Variants in IFRD1 observed in about 807,000 individuals in gnomAD.
IFRD1 encodes the protein interferon related developmental regulator 1.
Under a neutral mutation model 52.9 loss-of-function variants are expected in IFRD1, and 35 were observed. The ratio of observed to expected loss-of-function variants is 0.66; its 90% CI spans 0.51 to 0.88. The LOEUF is 0.88. Ranked by LOEUF, IFRD1 falls within the 40% of genes least tolerant of loss-of-function variation. The pLI, the probability that IFRD1 is intolerant of heterozygous loss-of-function variation, is 0.00. For missense variants in IFRD1, 517 were observed against 550.8 expected (o/e 0.94, Z 0.61); for synonymous variants, 184 against 188.4 (o/e 0.98, Z 0.19).
intron 1 of IFRD1, among the ~76,000 whole-genome samples, chr7:112,432,357 A>G (rs1339692998): frequency 1.3e-5 from 2 of 152,354 alleles, no homozygotes; most frequent in Non-Finnish European, 2.9e-5. Context: ...AGTGAACACC[A>G]CAGACAAGAT....
At chr7:112,439,412 G>T (rs1179461250) in intron 1 of IFRD1, among the ~76,000 whole-genome samples, 2 of 152,334 alleles carry the variant, frequency 1.3e-5, no homozygotes, top group South Asian at 4.1e-4. Flanking sequence ...ATTGTTAGAT[G>T]TAACAGTATC....
chr7:112,463,853 TACAC>T (rs72284919), intron 8 of IFRD1, among the ~76,000 whole-genome samples: 1,943 of 43,318 alleles, frequency 0.045, 16 homozygotes, highest in Middle Eastern at 0.059. Context: ...CACATTTATA[TACAC>T]ACACACACAC....
intron 11 of IFRD1, among the ~76,000 whole-genome samples, chr7:112,474,347 C>T (rs367773642): frequency 6.6e-6 from 1 of 152,166 alleles, no homozygotes; most frequent in African/African-American, 2.4e-5. Context: ...ATAGCTGCTG[C>T]ACCAGTTTAC....
chr7:112,462,473 C>A (rs1200026287), intron 8 of IFRD1, 95 bp downstream of exon 8: 3 of 841,652 alleles, frequency 3.6e-6, no homozygotes, highest in South Asian at 1.4e-5. Context: ...AACTTTGGAA[C>A]ATGGCCAGCT....
intron 1 of IFRD1, among the ~76,000 whole-genome samples, chr7:112,438,939 A>G (rs1794786829): frequency 6.6e-6 from 1 of 152,174 alleles, no homozygotes; most frequent in African/African-American, 2.4e-5. Flanking sequence ...CTCCCGTTGA[A>G]AGATGTTTCG....
intron 1 of IFRD1, among the ~76,000 whole-genome samples, chr7:112,443,689 T>C (rs1794950341): frequency 6.6e-6 from 1 of 151,890 alleles, no homozygotes; most frequent in South Asian, 2.1e-4. Flanking sequence ...GCCAACATGA[T>C]GAACCCCGTC....
At chr7:112,469,684 G>T (rs1038293182) in intron 9 of IFRD1, among the ~76,000 whole-genome samples, 2 of 152,036 alleles carry the variant, frequency 1.3e-5, no homozygotes, top group African/African-American at 2.4e-5. Flanking sequence ...GTCTCTACTG[G>T]CCCTCAAACC....
intron 1 of IFRD1, among the ~76,000 whole-genome samples, chr7:112,428,816 T>C (rs1023582471): frequency 6.6e-6 from 1 of 152,168 alleles, no homozygotes; most frequent in Non-Finnish European, 1.5e-5. Context: ...ACACAAAACC[T>C]GAATCCACCC....
At chr7:112,451,303 T>TG (rs1293656934) in intron 1 of IFRD1, among the ~76,000 whole-genome samples, 1 of 152,186 alleles carries the variant, frequency 6.6e-6, no homozygotes, top group Non-Finnish European at 1.5e-5. Flanking sequence ...GCAGAGGCGC[T>TG]GGGGAAGCTT....
At chr7:112,444,162 T>C (rs1794964220) in intron 1 of IFRD1, among the ~76,000 whole-genome samples, 1 of 152,230 alleles carries the variant, frequency 6.6e-6, no homozygotes, top group Admixed American at 6.5e-5. Context: ...CACAGTACCC[T>C]GTTAACACAG....
intron 8 of IFRD1, 37 bp from the exon 9 acceptor site, chr7:112,467,942 AAT>A (rs749071019): frequency 1.3e-6 from 2 of 1,599,508 alleles, no homozygotes; most frequent in Non-Finnish European, 1.7e-6. Context: ...AGAAAAGAAA[AAT>A]AATAATAAAG....
At chr7:112,470,307 C>T (rs1459439097) in intron 9 of IFRD1, among the ~76,000 whole-genome samples, 1 of 152,264 alleles carries the variant, frequency 6.6e-6, no homozygotes, top group Non-Finnish European at 1.5e-5. Flanking sequence ...TGGCCAAATC[C>T]TATATACAGA....
chr7:112,436,390 A>G (rs1794691789), intron 1 of IFRD1, among the ~76,000 whole-genome samples: 1 of 152,230 alleles, frequency 6.6e-6, no homozygotes, highest in South Asian at 2.1e-4. Context: ...CCAGAGCAGC[A>G]GTGATGAAAA....
At chr7:112,431,136 C>G (rs2117226588) in intron 1 of IFRD1, among the ~76,000 whole-genome samples, 1 of 152,290 alleles carries the variant, frequency 6.6e-6, no homozygotes, top group South Asian at 2.1e-4. Context: ...GCTACTGACA[C>G]CATTAGTGCT....
upstream of IFRD1, among the ~76,000 whole-genome samples, chr7:112,448,752 T>C (rs1795085200): frequency 6.6e-6 from 1 of 152,162 alleles, no homozygotes; most frequent in Admixed American, 6.5e-5. Context: ...AGGATGAGTG[T>C]CAAAGAGTTG....
intron 1 of IFRD1, among the ~76,000 whole-genome samples, chr7:112,444,876 T>C (rs1563261504): frequency 6.6e-6 from 1 of 152,096 alleles, no homozygotes; most frequent in Non-Finnish European, 1.5e-5. Flanking sequence ...GGATCATTCA[T>C]ATCCCAAACC....
intron 8 of IFRD1, among the ~76,000 whole-genome samples, chr7:112,464,797 C>A (rs1170959068): frequency 6.6e-6 from 1 of 152,106 alleles, no homozygotes; most frequent in African/African-American, 2.4e-5. Flanking sequence ...CAGGTCTCAC[C>A]CATTCCATTC....
chr7:112,471,018 G>A (rs1795731603), intron 9 of IFRD1, among the ~76,000 whole-genome samples: 1 of 152,166 alleles, frequency 6.6e-6, no homozygotes, highest in Non-Finnish European at 1.5e-5. Flanking sequence ...GTTACCAACA[G>A]GAAAGAGGAT....
intron 1 of IFRD1, among the ~76,000 whole-genome samples, chr7:112,428,820 T>C (rs1353302731): frequency 3.9e-5 from 6 of 152,150 alleles, no homozygotes; most frequent in African/African-American, 1.4e-4. Flanking sequence ...AAAACCTGAA[T>C]CCACCCTGCC....
Sources: gnomAD v4.1 joint callset for allele counts (sites outside exome capture counted in the v4.1 genomes callset) on GRCh38, gnomAD v4.1.1 for gene constraint, MANE v1.5 for transcripts, NCBI Gene and HGNC (gene_info 2026-07-23, HGNC 2026-07-21) for gene names.